CDH19: variants seen among roughly 807,000 people sequenced by gnomAD.
CDH19 encodes the protein cadherin-19.
A neutral mutation model predicts 64.2 loss-of-function variants in CDH19; 67 were observed. The ratio of observed to expected loss-of-function variants is 1.04; its 90% CI spans 0.86 to 1.28. The LOEUF (loss-of-function observed/expected upper bound fraction) is 1.28. Ranked by LOEUF, CDH19 falls within the 50% of genes most tolerant of loss-of-function variation. The pLI is 0.00. For missense variants in CDH19, 1,030 were observed against 929.0 expected (o/e 1.11, Z -1.41); for synonymous variants, 346 against 319.3 (o/e 1.08, Z -0.89).
At chr18:66,553,769 G>A (rs888211476) in intron 4 of CDH19, among the ~76,000 whole-genome samples, 1 of 133,624 alleles carries the variant, frequency 7.5e-6, no homozygotes, top group Non-Finnish European at 1.5e-5. Flanking sequence ...ATGAATTAGG[G>A]TCATATGATT....
At chr18:66,538,135 T>C (rs1032838870) in intron 7 of CDH19, among the ~76,000 whole-genome samples, 1 of 152,128 alleles carries the variant, frequency 6.6e-6, no homozygotes, top group Non-Finnish European at 1.5e-5. Flanking sequence ...ATATTCACTA[T>C]GTAGAGTACA....
Position 66,504,711 on chromosome 18 carries a change from A to T in CDH19, c.*101T>A. On this transcript the variant is annotated 3_prime_UTR_variant, in exon 12 of 12. Transcript: ENST00000262150. ...GGGAAATCAGAAAACTCCATAGACT[A>T]GGGCTTTCCCCGCCATAGAGCCAGG... 2 of 1,242,208 alleles carry T rather than the reference A, an allele frequency of 1.6e-6. No homozygotes were observed. Among genetic ancestry groups the T allele is most frequent in the Non-Finnish European group, 2.2e-6 (2 of 899,980 alleles). 76.9% of individuals were successfully genotyped at this position (1,242,208 alleles called of 1,614,324 possible).
intron 9 of CDH19, among the ~76,000 whole-genome samples, chr18:66,524,873 A>G (rs907525900): frequency 6.6e-6 from 1 of 151,984 alleles, no homozygotes; most frequent in Admixed American, 6.6e-5. Flanking sequence ...AGATTATATC[A>G]AAGAAGGTGC....
chr18:66,504,700 C>G lies in CDH19; in HGVS notation c.*112G>C. The G allele has an allele frequency of 9.0e-7, 1 of 1,110,880 alleles. No individual in the cohort carries two copies. Among genetic ancestry groups the G allele is most frequent in the Admixed American group, 2.4e-5 (1 of 40,950 alleles). The allele number at this position is 1,110,880 out of a possible 1,614,324, so 68.8% of individuals were successfully genotyped here. On this transcript the variant is annotated 3_prime_UTR_variant, in exon 12 of 12. Transcript: ENST00000262150. ...TATTTACTCCAGGGAAATCAGAAAA[C>G]TCCATAGACTAGGGCTTTCCCCGCC...
intron 1 of CDH19, among the ~76,000 whole-genome samples, chr18:66,598,128 A>G (rs183248357): frequency 1.2e-4 from 19 of 152,284 alleles, no homozygotes; most frequent in Admixed American, 1.2e-3. Context: ...CAGAATGGCT[A>G]TTACTATGTC....
chr18:66,542,150 C>T (rs1211787937), intron 7 of CDH19, among the ~76,000 whole-genome samples: 2 of 152,086 alleles, frequency 1.3e-5, no homozygotes, highest in African/African-American at 4.8e-5. Flanking sequence ...AATAGGTATA[C>T]AGATACATTT....
rs569606712 is a variant in CDH19 at position 66,592,786 on chromosome 18, C to G, written c.-113+11168G>C. Among the ~76,000 whole-genome samples, 3 of 151,586 alleles carry G rather than the reference C, an allele frequency of 2.0e-5. No individual in the cohort carries two copies. The East Asian group carries it at 5.8e-4, about 29-fold the overall frequency. ...CCACATTTTATTTATTCTTTTATTT[C>G]TTGATGGACACTTAGTTTTCTTCCA... On this transcript the variant is annotated intron_variant, in intron 1 of 11. Transcript: ENST00000262150.
At chr18:66,545,692 T>C (rs1320222060) in intron 5 of CDH19, among the ~76,000 whole-genome samples, 4 of 152,112 alleles carry the variant, frequency 2.6e-5, no homozygotes, top group African/African-American at 9.7e-5. Flanking sequence ...ACTGAATAAA[T>C]ATACATGTGG....
At chr18:66,569,369 T>C (rs1457338068) in intron 2 of CDH19, among the ~76,000 whole-genome samples, 1 of 151,640 alleles carries the variant, frequency 6.6e-6, no homozygotes, top group African/African-American at 2.4e-5. Flanking sequence ...TTCAGAGTCA[T>C]ATGGTCTTTG....
chr18:66,525,824 T>C (rs1259135199), intron 9 of CDH19, among the ~76,000 whole-genome samples: 1 of 152,036 alleles, frequency 6.6e-6, no homozygotes, highest in African/African-American at 2.4e-5. Context: ...TTCAGATGCT[T>C]ATAGGACTGA....
intron 4 of CDH19, 148 bp from the exon 5 acceptor site, chr18:66,551,406 AAAT>A (rs1377708835): frequency 1.7e-6 from 1 of 581,982 alleles, no homozygotes; most frequent in Non-Finnish European, 3.0e-6. Flanking sequence ...AAATAATAAA[AAAT>A]AAATTAAACA....
intron 1 of CDH19, among the ~76,000 whole-genome samples, chr18:66,595,189 T>A (rs2144636860): frequency 6.6e-6 from 1 of 151,840 alleles, no homozygotes; most frequent in Admixed American, 6.6e-5. Context: ...GGAACACTGC[T>A]AAAGCAGTGT....
At chr18:66,557,585 A>G (rs564075075) in intron 3 of CDH19, among the ~76,000 whole-genome samples, 13 of 151,942 alleles carry the variant, frequency 8.6e-5, no homozygotes, top group Non-Finnish European at 1.8e-4. Context: ...AATATTTGTT[A>G]TTCTTTCTTA....
chr18:66,528,876 T>C (rs1312686890), intron 9 of CDH19, among the ~76,000 whole-genome samples: 2 of 152,050 alleles, frequency 1.3e-5, no homozygotes, highest in Non-Finnish European at 2.9e-5. Flanking sequence ...CTTAGAATAA[T>C]TGAGTTGATA....
chr18:66,595,446 A>G (rs1483746005), intron 1 of CDH19, among the ~76,000 whole-genome samples: 1 of 140,848 alleles, frequency 7.1e-6, no homozygotes, highest in African/African-American at 3.0e-5. Flanking sequence ...ACTAATAAAG[A>G]AAAAAAAAAG....
At chr18:66,556,107 G>T (rs1179263439) in intron 3 of CDH19, among the ~76,000 whole-genome samples, 1 of 151,344 alleles carries the variant, frequency 6.6e-6, no homozygotes, top group Admixed American at 6.6e-5. Context: ...ATACAGTTAG[G>T]TTCTTTTTTC....
At chr18:66,566,920 T>C (rs573184306) in intron 3 of CDH19, among the ~76,000 whole-genome samples, 1 of 151,936 alleles carries the variant, frequency 6.6e-6, no homozygotes, top group African/African-American at 2.4e-5. Flanking sequence ...CATATTGATG[T>C]ATACAGCCCT....
intron 5 of CDH19, among the ~76,000 whole-genome samples, chr18:66,550,111 T>C (rs1234583886): frequency 6.6e-6 from 1 of 152,184 alleles, no homozygotes; most frequent in Non-Finnish European, 1.5e-5. Flanking sequence ...CTTTGTTCCA[T>C]GCTAATTAAA....
At chr18:66,547,812 C>G (rs1401271632) in intron 5 of CDH19, among the ~76,000 whole-genome samples, 1 of 143,274 alleles carries the variant, frequency 7.0e-6, no homozygotes, top group Non-Finnish European at 1.5e-5. Flanking sequence ...GGACTACAGG[C>G]GCCCGCCACT....
Sources: allele counts gnomAD v4.1 joint callset (sites outside exome capture counted in the v4.1 genomes callset), GRCh38; gene constraint gnomAD v4.1.1; transcripts MANE v1.5; gene names NCBI Gene and HGNC (gene_info 2026-07-23, HGNC 2026-07-21).